Variants in LRP1B observed in about 807,000 individuals in gnomAD.
The protein encoded by LRP1B is low-density lipoprotein receptor-related protein 1B.
LRP1B carries 217 observed loss-of-function variants against 556.6 expected under a neutral mutation model. The ratio of observed to expected loss-of-function variants is 0.39; its 90% CI spans 0.35 to 0.44. The LOEUF (loss-of-function observed/expected upper bound fraction) is 0.44. Among genes scored for constraint, LRP1B ranks in the 20% least tolerant of loss-of-function variants. The probability of loss-of-function intolerance (pLI) is 1.00; values close to 1 mark genes in which losing one functional copy is unlikely to be tolerated. For synonymous variants in LRP1B, 2,047 were observed against 1,865.8 expected (o/e 1.10, Z -2.50); for missense variants, 5,053 against 5,620.8 (o/e 0.90, Z 3.23).
intron 41 of LRP1B, among the ~76,000 whole-genome samples, chr2:140,696,329 G>C (rs771731889): frequency 2.8e-4 from 42 of 152,104 alleles, no homozygotes; most frequent in Admixed American, 8.5e-4. Context: ...GATTGCAATG[G>C]TTAAGCAAAG....
chr2:140,342,062 C>T (rs989383232), intron 77 of LRP1B, among the ~76,000 whole-genome samples: 1 of 151,190 alleles, frequency 6.6e-6, no homozygotes, highest in Non-Finnish European at 1.5e-5. Flanking sequence ...ATTAAAACAT[C>T]AAAAAAATAG....
intron 1 of LRP1B, among the ~76,000 whole-genome samples, chr2:142,005,694 G>C (rs189719108): frequency 6.6e-6 from 1 of 151,596 alleles, no homozygotes; most frequent in African/African-American, 2.4e-5. Flanking sequence ...TTATTAAAAG[G>C]GTTGTTAAAA....
At chr2:141,075,945 T>C (rs1050553437) in intron 7 of LRP1B, among the ~76,000 whole-genome samples, 7 of 152,208 alleles carry the variant, frequency 4.6e-5, no homozygotes, top group African/African-American at 1.7e-4. Flanking sequence ...TGGAACACAT[T>C]GTGCAATAAT....
At chr2:141,324,028 CCACACACACACA>C (rs57105906) in intron 3 of LRP1B, among the ~76,000 whole-genome samples, 22 of 113,132 alleles carry the variant, frequency 1.9e-4, no homozygotes, top group African/African-American at 4.2e-4. Flanking sequence ...AACAAGGAAA[CCACACACACACA>C]CACACACACA....
rs867926473 is a variant in LRP1B, at chr2:142,124,044, A to T, written c.82+6604T>A. Among the ~76,000 whole-genome samples, 15 of 151,724 alleles carry T rather than the reference A, an allele frequency of 9.9e-5. No individual in the cohort carries two copies. The East Asian group carries it at 2.3e-3, about 23-fold the overall frequency. On this transcript the variant is annotated intron_variant, in intron 1 of 90. Coordinates refer to ENST00000389484, the MANE Select transcript of LRP1B (RefSeq NM_018557.3). ...AACAACAGAAAAACATGTTTTTTTT[A>T]ATTTTAATTTTAGATTTGGGGGTAC...
intron 2 of LRP1B, among the ~76,000 whole-genome samples, chr2:141,728,389 T>A (rs1558833099): frequency 6.6e-6 from 1 of 152,068 alleles, no homozygotes; most frequent in African/African-American, 2.4e-5. Context: ...AGCCCTGACT[T>A]CAATCAGGGG....
At chr2:140,485,634 T>A in intron 58 of LRP1B, 110 bp from the exon 59 acceptor site, 1 of 740,640 alleles carries the variant, frequency 1.4e-6, no homozygotes. Flanking sequence ...ATGTAAAGAA[T>A]GGAACTTAGA....
In LRP1B at chr2:141,596,507, T is replaced by C. The variant is rs991213210; in HGVS notation, c.206-115974A>G. ...ATAATAGCCTTCTTTTTCTATTAGG[T>C]AACACACATAATTAATAATAATAAT... On this transcript the variant is annotated intron_variant, in intron 2 of 90. Coordinates refer to ENST00000389484, the MANE Select transcript of LRP1B (RefSeq NM_018557.3). Among the ~76,000 whole-genome samples the C allele has an allele frequency of 2.0e-5, 3 of 152,016 alleles. No individual in the cohort carries two copies. The South Asian group carries it at 6.2e-4, about 31-fold the overall frequency.
intron 2 of LRP1B, among the ~76,000 whole-genome samples, chr2:141,803,373 A>T (rs892914721): frequency 1.3e-5 from 2 of 151,054 alleles, no homozygotes; most frequent in Non-Finnish European, 3.0e-5. Context: ...ACTGATCCCC[A>T]CCTTCCTATC....
intron 21 of LRP1B, among the ~76,000 whole-genome samples, chr2:140,911,957 A>G (rs1694432102): frequency 6.6e-6 from 1 of 151,802 alleles, no homozygotes; most frequent in Non-Finnish European, 1.5e-5. Flanking sequence ...TGGAAAAGGT[A>G]AACAAAAATA....
intron 1 of LRP1B, among the ~76,000 whole-genome samples, chr2:141,989,642 A>G (rs1349817354): frequency 6.6e-6 from 1 of 152,008 alleles, no homozygotes; most frequent in African/African-American, 2.4e-5. Context: ...AAACTGAATC[A>G]TGGGCGTGGT....
chr2:141,346,853 TG>T (rs1389479226), intron 3 of LRP1B, among the ~76,000 whole-genome samples: 3 of 152,190 alleles, frequency 2.0e-5, no homozygotes, highest in Admixed American at 6.5e-5. Flanking sequence ...TATATCCATC[TG>T]CTTTCTAGCT....
At chr2:141,330,152 A>G (rs894997145) in intron 3 of LRP1B, among the ~76,000 whole-genome samples, 2 of 152,226 alleles carry the variant, frequency 1.3e-5, no homozygotes, top group African/African-American at 4.8e-5. Context: ...TGTTTGTTCC[A>G]GAATTGCACA....
chr2:140,536,848 A>T (rs1023803535), intron 45 of LRP1B, 139 bp from the exon 46 acceptor site: 14 of 708,312 alleles, frequency 2.0e-5, no homozygotes, highest in Non-Finnish European at 2.9e-5. Context: ...GCAATGGTTT[A>T]TGACATTTCT....
intron 58 of LRP1B, among the ~76,000 whole-genome samples, chr2:140,485,846 T>TACAC (rs10696198): frequency 0.33 from 46,498 of 142,006 alleles, 7,610 homozygotes; most frequent in Middle Eastern, 0.43. Flanking sequence ...CTCACGCACA[T>TACAC]ACACACACAC....
In LRP1B at chr2:140,727,309, G is replaced by T. The variant is rs1241172064; in HGVS notation, c.5759-10493C>A. Among the ~76,000 whole-genome samples the T allele has an allele frequency of 2.6e-5, 4 of 152,110 alleles. No homozygotes were observed. In the South Asian group the frequency reaches 8.3e-4, roughly 32 times the overall value. On this transcript the variant is annotated intron_variant, in intron 35 of 90. Transcript: ENST00000389484. ...GCACAATAATTTCTTGTAGAAGGTT[G>T]CTTGTGACAGGAGGGACAGGCCTGA... is the stretch of plus-strand genomic sequence containing the variant.
At chr2:141,360,321 T>A (rs116252627) in intron 3 of LRP1B, among the ~76,000 whole-genome samples, 224 of 152,352 alleles carry the variant, frequency 1.5e-3, no homozygotes, top group African/African-American at 5.1e-3. Flanking sequence ...ACACTTTGTC[T>A]CCAAGCTAAG....
intron 1 of LRP1B, among the ~76,000 whole-genome samples, chr2:142,015,586 A>AC (rs957539985): frequency 1.6e-4 from 24 of 152,236 alleles, no homozygotes; most frequent in African/African-American, 5.8e-4. Context: ...TGAACAGGCA[A>AC]CCCCTACAGA....
chr2:141,570,632 G>T lies in LRP1B; in HGVS notation c.206-90099C>A, dbSNP rs992559873. Among the ~76,000 whole-genome samples the T allele has an allele frequency of 4.6e-5, 7 of 150,882 alleles. 1 individual carries two copies. The highest frequency in any genetic ancestry group is 1.5e-4 in the African/African-American group (6 of 41,338). On this transcript the variant is annotated intron_variant, in intron 2 of 90. Transcript: ENST00000389484. ...GGGGTAGCAGCCAGCACTGGAACTG[G>T]CAACTGCCTAACAAGCTAAGCTCCC...
Sources: gnomAD v4.1 joint callset for allele counts (sites outside exome capture counted in the v4.1 genomes callset) on GRCh38, gnomAD v4.1.1 for gene constraint, MANE v1.5 for transcripts, NCBI Gene and HGNC (gene_info 2026-07-23, HGNC 2026-07-21) for gene names.